The following SOS1 variants were observed in gnomAD, a reference collection of about 807,000 sequenced individuals.
SOS1 encodes son of sevenless homolog 1.
A neutral mutation model predicts 157.6 loss-of-function variants in SOS1; 25 were observed. The ratio of observed to expected loss-of-function variants is 0.16; its 90% CI spans 0.12 to 0.22. SOS1 has a LOEUF of 0.22. Among genes scored for constraint, SOS1 ranks in the 10% least tolerant of loss-of-function variants. The pLI, the probability that SOS1 is intolerant of heterozygous loss-of-function variation, is 1.00. For missense variants in SOS1, 1,237 were observed against 1,599.1 expected (o/e 0.77, Z 3.86); for synonymous variants, 528 against 534.0 (o/e 0.99, Z 0.16).
chr2:39,095,318 T>A (rs1245328882), intron 1 of SOS1, among the ~76,000 whole-genome samples: 1 of 152,132 alleles, frequency 6.6e-6, no homozygotes, highest in African/African-American at 2.4e-5. Context: ...GACTCCAGTT[T>A]GAGAAACTAC....
At chr2:39,022,241 GAT>G (rs1669821833) in intron 10 of SOS1, among the ~76,000 whole-genome samples, 1 of 151,814 alleles carries the variant, frequency 6.6e-6, no homozygotes, top group Admixed American at 6.6e-5. Flanking sequence ...AGAAAAAAAA[GAT>G]AAAGGAGTAA....
At chr2:39,092,973 T>G (rs1368837470) in intron 1 of SOS1, among the ~76,000 whole-genome samples, 1 of 152,200 alleles carries the variant, frequency 6.6e-6, no homozygotes, top group Non-Finnish European at 1.5e-5. Context: ...CTTCAGAAAT[T>G]TAATGAGGCA....
chr2:39,051,052 AT>A, intron 6 of SOS1, 91 bp downstream of exon 6: 2 of 1,152,714 alleles, frequency 1.7e-6, no homozygotes, highest in Non-Finnish European at 2.6e-6. Context: ...ATTAGTATCT[AT>A]GACTTTAGCT....
chr2:39,121,170 G>GGCTGCGCTCCTGGGGGCTGCA (rs1424444746), upstream of SOS1: 2 of 152,992 alleles, frequency 1.3e-5, no homozygotes, highest in Non-Finnish European at 2.9e-5. Flanking sequence ...GCCGGGCTGT[G>GGCTGCGCTCCTGGGGGCTGCA]GCTGCGCTCC....
intron 22 of SOS1, among the ~76,000 whole-genome samples, chr2:38,987,035 C>T (rs1387351935): frequency 6.6e-6 from 1 of 151,952 alleles, no homozygotes; most frequent in Admixed American, 6.6e-5. Flanking sequence ...TCTTCCAAAC[C>T]CAGAATTTTC....
chr2:39,091,289 G>T (rs1167791280), intron 1 of SOS1, among the ~76,000 whole-genome samples: 1 of 152,136 alleles, frequency 6.6e-6, no homozygotes, highest in East Asian at 1.9e-4. Flanking sequence ...CTCCTTGAGG[G>T]TAGTGAGCAT....
At chr2:39,100,949 T>C (rs1266541001) in intron 1 of SOS1, among the ~76,000 whole-genome samples, 2 of 152,064 alleles carry the variant, frequency 1.3e-5, no homozygotes, top group Non-Finnish European at 2.9e-5. Flanking sequence ...CAAGGAGACA[T>C]GGAGAAAAAC....
intron 1 of SOS1, among the ~76,000 whole-genome samples, chr2:39,113,235 G>C (rs926757635): frequency 6.6e-6 from 1 of 152,068 alleles, no homozygotes; most frequent in Admixed American, 6.5e-5. Context: ...CTGTAACCCA[G>C]GCTGGAGTGC....
intron 1 of SOS1, among the ~76,000 whole-genome samples, chr2:39,072,413 TAG>T (rs1671822240): frequency 6.6e-6 from 1 of 152,186 alleles, no homozygotes; most frequent in African/African-American, 2.4e-5. Context: ...ATGGTAAGAC[TAG>T]AGAGTCTGTT....
intron 1 of SOS1, among the ~76,000 whole-genome samples, chr2:39,116,189 C>A (rs200911466): frequency 1.2e-5 from 1 of 85,304 alleles, no homozygotes; most frequent in Admixed American, 1.2e-4. Flanking sequence ...ATAACCCAAA[C>A]TTTTAAGTCA....
At chr2:39,003,688 G>C (rs915985051) in intron 17 of SOS1, among the ~76,000 whole-genome samples, 5 of 152,252 alleles carry the variant, frequency 3.3e-5, no homozygotes, top group African/African-American at 1.2e-4. Flanking sequence ...GATTGTTCCA[G>C]TTACATTTGG....
At chr2:39,097,502 C>T (rs1283384947) in intron 1 of SOS1, among the ~76,000 whole-genome samples, 1 of 151,828 alleles carries the variant, frequency 6.6e-6, no homozygotes, top group Non-Finnish European at 1.5e-5. Flanking sequence ...CCAAGTGATT[C>T]TGATGCTTGA....
At chr2:39,089,972 C>A (rs1223184637) in intron 1 of SOS1, among the ~76,000 whole-genome samples, 104 of 125,238 alleles carry the variant, frequency 8.3e-4, no homozygotes, top group African/African-American at 1.7e-3. Flanking sequence ...ACTAAAAATA[C>A]AAAAAAAAAA....
chr2:38,997,878 C>A (rs1290587726), intron 17 of SOS1, among the ~76,000 whole-genome samples: 1 of 152,042 alleles, frequency 6.6e-6, no homozygotes, highest in African/African-American at 2.4e-5. Flanking sequence ...TCATTTTTGG[C>A]AAACAGGAAA....
Position 39,057,539 on chromosome 2 carries a change from TAAG to T in SOS1, c.346-676_346-674del, listed in dbSNP as rs576961394. 1.1e-3 allele frequency among the ~76,000 whole-genome samples: 167 copies of T among 152,138 alleles called. 1 individual carries two copies. Among genetic ancestry groups the T allele is most frequent in the African/African-American group, 3.9e-3 (163 of 41,548 alleles). On this transcript the variant is annotated intron_variant, in intron 3 of 22. Coordinates refer to ENST00000402219, the MANE Select transcript of SOS1 (RefSeq NM_005633.4). ...TTAAGGGAAAAAAACAACTTTGAAA[TAAG>T]AAGTTTGTTACAAATTGGAGACAGG...
intron 1 of SOS1, among the ~76,000 whole-genome samples, chr2:39,087,523 T>A (rs193239006): frequency 6.6e-6 from 1 of 152,356 alleles, no homozygotes; most frequent in African/African-American, 2.4e-5. Flanking sequence ...GGAGTTGTAA[T>A]CAGATCTATC....
intron 13 of SOS1, among the ~76,000 whole-genome samples, chr2:39,013,076 TAG>T (rs1346399579): frequency 6.6e-6 from 1 of 152,130 alleles, no homozygotes; most frequent in African/African-American, 2.4e-5. Flanking sequence ...GTGTTAGACA[TAG>T]AGTCTCAATT....
At chr2:39,079,487 ATTTTTT>A (rs1201929648) in intron 1 of SOS1, among the ~76,000 whole-genome samples, 1 of 82,714 alleles carries the variant, frequency 1.2e-5, no homozygotes, top group Admixed American at 1.5e-4. Flanking sequence ...AAGTGTTCGA[ATTTTTT>A]TTTTTTTTTT....
chr2:39,045,247 A>AGGGAGAGGGAGAGGGAGAGG (rs150513425), intron 6 of SOS1, among the ~76,000 whole-genome samples: 5 of 129,306 alleles, frequency 3.9e-5, no homozygotes, highest in Admixed American at 7.9e-5. Flanking sequence ...AGAGAGGGAG[A>AGGGAGAGGGAGAGGGAGAGG]GAGAGAGAGA....
Sources: gnomAD v4.1 joint callset for allele counts (sites outside exome capture counted in the v4.1 genomes callset) on GRCh38, gnomAD v4.1.1 for gene constraint, MANE v1.5 for transcripts, NCBI Gene and HGNC (gene_info 2026-07-23, HGNC 2026-07-21) for gene names.